The following SMIM14 variants were observed in gnomAD, a reference collection of about 807,000 sequenced individuals.
SMIM14 encodes the protein small integral membrane protein 14, also known as chromosome 4 open reading frame 34.
SMIM14 carries 5 observed loss-of-function variants against 12.6 expected under a neutral mutation model. The observed-to-expected ratio is 0.40, with a 90% CI of 0.21 to 0.83. The LOEUF (loss-of-function observed/expected upper bound fraction) is 0.83, where lower values mean the gene tolerates loss of function less well. SMIM14 is among the 40% of genes least tolerant of loss of function. The pLI, the probability that SMIM14 is intolerant of heterozygous loss-of-function variation, is 0.37. For missense variants in SMIM14, 86 were observed against 119.1 expected, an observed-to-expected ratio of 0.72 and a Z score of 1.29; for synonymous variants, 30 against 40.1, an observed-to-expected ratio of 0.75 and a Z score of 0.95.
intron 1 of SMIM14, among the ~76,000 whole-genome samples, chr4:39,609,169 A>G (rs1032012754): frequency 1.3e-5 from 2 of 151,532 alleles, no homozygotes; most frequent in African/African-American, 2.4e-5. Flanking sequence ...TTTAGTAGAG[A>G]TAGTGTTTCA....
At chr4:39,579,912 T>G (rs1578328866) in intron 2 of SMIM14, among the ~76,000 whole-genome samples, 2 of 149,954 alleles carry the variant, frequency 1.3e-5, no homozygotes, top group African/African-American at 2.4e-5. Context: ...TCAAAGAAGA[T>G]TCTAATGACA....
chr4:39,610,273 C>T (rs1437232572), intron 1 of SMIM14, among the ~76,000 whole-genome samples: 2 of 152,112 alleles, frequency 1.3e-5, no homozygotes, highest in African/African-American at 2.4e-5. Context: ...AGGTGTGAGC[C>T]ACCGCGCCTG....
intron 2 of SMIM14, among the ~76,000 whole-genome samples, chr4:39,579,051 T>C (rs906304073): frequency 6.9e-5 from 10 of 145,944 alleles, no homozygotes; most frequent in African/African-American, 2.0e-4. Context: ...TAGAATAATA[T>C]GAGTAGAATA....
intron 1 of SMIM14, among the ~76,000 whole-genome samples, chr4:39,625,779 A>T (rs1002400976): frequency 6.6e-5 from 10 of 152,190 alleles, no homozygotes; most frequent in Admixed American, 5.2e-4. Flanking sequence ...GCTTAAAGAC[A>T]CCCTTTTCAG....
intron 2 of SMIM14, among the ~76,000 whole-genome samples, chr4:39,601,728 C>T (rs1377843582): frequency 2.6e-5 from 4 of 152,026 alleles, no homozygotes; most frequent in Admixed American, 2.6e-4. Context: ...GGGAGGATCA[C>T]TTGAGGCCAG....
intron 1 of SMIM14, among the ~76,000 whole-genome samples, chr4:39,611,149 T>C (rs1158610154): frequency 6.6e-6 from 1 of 151,934 alleles, no homozygotes; most frequent in Non-Finnish European, 1.5e-5. Flanking sequence ...ACAGAACCAA[T>C]AAGCAAATAA....
chr4:39,596,721 C>T (rs577399661), intron 2 of SMIM14, among the ~76,000 whole-genome samples: 1 of 152,286 alleles, frequency 6.6e-6, no homozygotes, highest in East Asian at 1.9e-4. Context: ...ACAAAGTCTT[C>T]GTTATGGCAC....
At chr4:39,602,693 A>C (rs796952335) in intron 2 of SMIM14, among the ~76,000 whole-genome samples, 4 of 152,268 alleles carry the variant, frequency 2.6e-5, no homozygotes, top group African/African-American at 9.6e-5. Context: ...GAGCCATCAC[A>C]TTACCATTAT....
chr4:39,593,001 T>C (rs1366498036), intron 2 of SMIM14: 1 of 151,906 alleles, frequency 6.6e-6, no homozygotes, highest in Non-Finnish European at 1.5e-5. Context: ...CCATTCCTTC[T>C]GAAACTATTC....
At chr4:39,620,341 T>C (rs1484349216) in intron 1 of SMIM14, among the ~76,000 whole-genome samples, 2 of 151,832 alleles carry the variant, frequency 1.3e-5, no homozygotes, top group African/African-American at 4.8e-5. Flanking sequence ...TAGCCAGGCA[T>C]GGTGGCGGGC....
intron 1 of SMIM14, among the ~76,000 whole-genome samples, chr4:39,623,204 G>C (rs958254887): frequency 6.6e-6 from 1 of 152,118 alleles, no homozygotes; most frequent in Non-Finnish European, 1.5e-5. Flanking sequence ...CCTGCCAAGG[G>C]GGGAGAGGTA....
chr4:39,601,373 T>C (rs1035441629), intron 2 of SMIM14, among the ~76,000 whole-genome samples: 20 of 152,168 alleles, frequency 1.3e-4, no homozygotes, highest in African/African-American at 4.8e-4. Context: ...AAATTCACAA[T>C]TAGTACTTGA....
intron 1 of SMIM14, among the ~76,000 whole-genome samples, chr4:39,616,183 T>G (rs1262395535): frequency 6.6e-6 from 1 of 152,248 alleles, no homozygotes; most frequent in Non-Finnish European, 1.5e-5. Context: ...TCACCCAGGC[T>G]GGAGTGCAGT....
At chr4:39,598,285 T>C (rs1714457184) in intron 2 of SMIM14, among the ~76,000 whole-genome samples, 1 of 151,864 alleles carries the variant, frequency 6.6e-6, no homozygotes, top group Non-Finnish European at 1.5e-5. Context: ...GTTTTAATTG[T>C]TTTAGTTATT....
chr4:39,621,686 CTTTTTT>C (rs57206633), intron 1 of SMIM14, among the ~76,000 whole-genome samples: 12 of 105,448 alleles, frequency 1.1e-4, no homozygotes, highest in African/African-American at 2.7e-4. Flanking sequence ...CCAAACGTTT[CTTTTTT>C]TTTTTTTTTT....
rs536716687 is a variant in SMIM14, at chr4:39,593,062, C to G, written c.75+12009G>C. 1.8e-4 allele frequency: 27 copies of G among 151,878 alleles called. 1 individual carries two copies. In the East Asian group the frequency reaches 3.1e-3, roughly 17 times the overall value. 9.4% of individuals were successfully genotyped at this position (151,878 alleles called of 1,614,324 possible). A position where few individuals can be genotyped will look rare whatever the true frequency, so the allele number is the denominator to read the frequency against. Reference sequence around the variant, plus strand: ...TCCCTAACTCATTTTATGAGGCCAGCATCATCCTGATACCAAAGCCGGGCA... The same window carrying G: ...TCCCTAACTCATTTTATGAGGCCAGGATCATCCTGATACCAAAGCCGGGCA... On this transcript the variant is annotated intron_variant, in intron 2 of 4. Transcript: ENST00000295958.
chr4:39,553,710 C>T (rs1306566476), intron 4 of SMIM14, among the ~76,000 whole-genome samples: 2 of 151,742 alleles, frequency 1.3e-5, no homozygotes, highest in Non-Finnish European at 2.9e-5. Context: ...TCTCCTGCCT[C>T]AGCCTCACAA....
At chr4:39,623,359 AAAAC>A (rs1715575169) in intron 1 of SMIM14, among the ~76,000 whole-genome samples, 1 of 152,332 alleles carries the variant, frequency 6.6e-6, no homozygotes, top group African/African-American at 2.4e-5. Flanking sequence ...TTTTTATAGA[AAAAC>A]AAACAATTAT....
intron 1 of SMIM14, among the ~76,000 whole-genome samples, chr4:39,607,586 C>G (rs1011648719): frequency 3.9e-5 from 6 of 152,074 alleles, no homozygotes; most frequent in Non-Finnish European, 7.4e-5. Flanking sequence ...GAGACCTCAT[C>G]TCTGTAAAAA....
Sources: allele counts gnomAD v4.1 joint callset (sites outside exome capture counted in the v4.1 genomes callset), GRCh38; gene constraint gnomAD v4.1.1; transcripts MANE v1.5; gene names NCBI Gene and HGNC (gene_info 2026-07-23, HGNC 2026-07-21).